PDE4D: variants seen among roughly 807,000 people sequenced by gnomAD.
PDE4D encodes 3',5'-cyclic-AMP phosphodiesterase 4D.
In PDE4D, 24 loss-of-function variants were observed where a neutral mutation model predicts 87.4. The observed-to-expected ratio is 0.27, with a 90% CI of 0.20 to 0.39. PDE4D has a LOEUF of 0.39. Among genes scored for constraint, PDE4D ranks in the 10% least tolerant of loss-of-function variants. The pLI, the probability that PDE4D is intolerant of heterozygous loss-of-function variation, is 1.00. For missense variants in PDE4D, 714 were observed against 1,041.0 expected (o/e 0.69, Z 4.32); for synonymous variants, 384 against 383.2 (o/e 1.00, Z -0.02).
intron 1 of PDE4D, among the ~76,000 whole-genome samples, chr5:60,396,300 C>G (rs1323293562): frequency 6.6e-6 from 1 of 152,126 alleles, no homozygotes; most frequent in African/African-American, 2.4e-5. Context: ...AGAAAAGCCT[C>G]CTGTGTCTTC....
At chr5:59,343,978 G>A (rs1026189776) in intron 1 of PDE4D, among the ~76,000 whole-genome samples, 1 of 152,090 alleles carries the variant, frequency 6.6e-6, no homozygotes, top group Non-Finnish European at 1.5e-5. Flanking sequence ...TGTGGTCTGA[G>A]ACTTCATTTA....
chr5:59,957,248 AGTT>A (rs1260020297), intron 3 of PDE4D, among the ~76,000 whole-genome samples: 1 of 151,884 alleles, frequency 6.6e-6, no homozygotes, highest in East Asian at 1.9e-4. Flanking sequence ...TAACTTTCTT[AGTT>A]GTTGTGCTTT....
chr5:60,025,405 C>T (rs1278525019), intron 2 of PDE4D, among the ~76,000 whole-genome samples: 3 of 152,100 alleles, frequency 2.0e-5, no homozygotes, highest in African/African-American at 7.2e-5. Context: ...TTCTTGAATA[C>T]CAACCACTAT....
chr5:59,869,589 T>C (rs1049219322), intron 1 of PDE4D, among the ~76,000 whole-genome samples: 3 of 152,148 alleles, frequency 2.0e-5, no homozygotes, highest in Non-Finnish European at 4.4e-5. Flanking sequence ...TTTGTTGGCA[T>C]GTTTACCGGA....
chr5:59,180,363 T>A, intron 5 of PDE4D: 1 of 690,594 alleles, frequency 1.4e-6, no homozygotes, highest in Admixed American at 1.9e-5. Context: ...AAGCACATAG[T>A]TAAATGGTTA....
chr5:59,585,782 T>C (rs1298909153), intron 1 of PDE4D, among the ~76,000 whole-genome samples: 1 of 151,170 alleles, frequency 6.6e-6, no homozygotes, highest in East Asian at 1.9e-4. Flanking sequence ...ATTCATATGT[T>C]AGAATTCTAC....
At chr5:59,631,772 G>C (rs1475017505) in intron 1 of PDE4D, among the ~76,000 whole-genome samples, 2 of 152,188 alleles carry the variant, frequency 1.3e-5, no homozygotes, top group Non-Finnish European at 2.9e-5. Flanking sequence ...GATTCTCTTG[G>C]GTGCCTATAC....
chr5:59,200,790 A>C (rs573351727), intron 2 of PDE4D, among the ~76,000 whole-genome samples: 21 of 151,788 alleles, frequency 1.4e-4, no homozygotes, highest in Non-Finnish European at 2.9e-4. Context: ...TTTGGGAGAT[A>C]TAGAACAACT....
At chr5:59,264,420 T>A (rs1561840996) in intron 1 of PDE4D, among the ~76,000 whole-genome samples, 1 of 152,046 alleles carries the variant, frequency 6.6e-6, no homozygotes. Flanking sequence ...TAAAATTTCA[T>A]TCCTATGTAC....
chr5:59,165,408 G>A (rs1781779348), intron 5 of PDE4D, among the ~76,000 whole-genome samples: 1 of 152,128 alleles, frequency 6.6e-6, no homozygotes, highest in Admixed American at 6.5e-5. Flanking sequence ...CAAGGAGCTG[G>A]GATTACAGGT....
At chr5:59,297,505 A>G (rs1344424493) in intron 1 of PDE4D, among the ~76,000 whole-genome samples, 1 of 152,102 alleles carries the variant, frequency 6.6e-6, no homozygotes, top group Non-Finnish European at 1.5e-5. Context: ...TGAAAGACAT[A>G]ATGTCCATGA....
intron 1 of PDE4D, among the ~76,000 whole-genome samples, chr5:59,765,820 A>G (rs1762719164): frequency 6.6e-6 from 1 of 152,242 alleles, no homozygotes; most frequent in South Asian, 2.1e-4. Context: ...ACTATTTTGT[A>G]GAACAGCAAG....
At chr5:60,335,763 T>C (rs923793310) in intron 1 of PDE4D, among the ~76,000 whole-genome samples, 4 of 152,162 alleles carry the variant, frequency 2.6e-5, no homozygotes, top group African/African-American at 9.7e-5. Flanking sequence ...ATGAAATCAT[T>C]GGTGTTGAGA....
At chr5:60,051,083 A>G (rs1009144571) in intron 2 of PDE4D, among the ~76,000 whole-genome samples, 7 of 152,044 alleles carry the variant, frequency 4.6e-5, no homozygotes, top group Non-Finnish European at 8.8e-5. Flanking sequence ...CTCCCACACA[A>G]TAATATTGGG....
chr5:59,604,477 A>G (rs191929241), intron 1 of PDE4D, among the ~76,000 whole-genome samples: 1 of 152,146 alleles, frequency 6.6e-6, no homozygotes, highest in East Asian at 1.9e-4. Flanking sequence ...AGCTTCTAAG[A>G]AGCAATTATT....
At chr5:60,454,887 C>CA (rs937331665) in intron 1 of PDE4D, among the ~76,000 whole-genome samples, 33 of 151,136 alleles carry the variant, frequency 2.2e-4, no homozygotes, top group African/African-American at 7.8e-4. Flanking sequence ...CATACATGAG[C>CA]GGGGAGTGTA....
At position 59,185,324 on chromosome 5, in the gene PDE4D, A is replaced by T. The variant is rs911347412; in HGVS notation, c.685-62T>A. The T allele has an allele frequency of 1.1e-5, 14 of 1,255,544 alleles. No individual in the cohort carries two copies. In the Admixed American group the frequency reaches 2.5e-4, roughly 22 times the overall value. The allele number at this position is 1,255,544 out of a possible 1,614,324, so 77.8% of individuals were successfully genotyped here. On this transcript the variant is annotated intron_variant, in intron 3 of 14. Coordinates refer to ENST00000340635, the MANE Select transcript of PDE4D (RefSeq NM_001104631.2). Reference sequence around the variant, plus strand: ...AAGGCCATTTTAAATACACTTGAAAATGGTTTGTTAAGAGAAAACTTGATA... The same window carrying T: ...AAGGCCATTTTAAATACACTTGAAATTGGTTTGTTAAGAGAAAACTTGATA...
intron 6 of PDE4D, chr5:58,999,771 C>G (rs962137253): frequency 1.5e-5 from 15 of 1,025,770 alleles, no homozygotes; most frequent in African/African-American, 1.7e-5. Context: ...CAAAATTCAG[C>G]AACTATTCTG....
chr5:60,493,399 G>A (rs1749637480), intron 1 of PDE4D, among the ~76,000 whole-genome samples: 1 of 152,174 alleles, frequency 6.6e-6, no homozygotes, highest in Non-Finnish European at 1.5e-5. Flanking sequence ...TGAATTCTCA[G>A]CTTAAATATG....
Sources: allele counts gnomAD v4.1 joint callset (sites outside exome capture counted in the v4.1 genomes callset), GRCh38; gene constraint gnomAD v4.1.1; transcripts MANE v1.5; gene names NCBI Gene and HGNC (gene_info 2026-07-23, HGNC 2026-07-21).